The following RSPO2 variants were observed in gnomAD, a reference collection of about 807,000 sequenced individuals.
The protein encoded by RSPO2 is R-spondin-2.
RSPO2 carries 14 observed loss-of-function variants against 30.9 expected under a neutral mutation model. The observed-to-expected ratio is 0.45, with a 90% CI of 0.30 to 0.71. The LOEUF is 0.71. Ranked by LOEUF, RSPO2 falls within the 30% of genes least tolerant of loss-of-function variation. The pLI, the probability that RSPO2 is intolerant of heterozygous loss-of-function variation, is 0.08. For synonymous variants in RSPO2, 107 were observed against 96.4 expected (o/e 1.11, Z -0.64); for missense variants, 264 against 301.9 (o/e 0.87, Z 0.93).
chr8:107,909,211 C>T (rs1811745097), intron 5 of RSPO2, among the ~76,000 whole-genome samples: 1 of 151,622 alleles, frequency 6.6e-6, no homozygotes, highest in Non-Finnish European at 1.5e-5. Context: ...AAGGGGAAAC[C>T]TGTGCTCTGA....
Position 107,923,186 on chromosome 8 carries a change from A to G in RSPO2, c.617-21996T>C, listed in dbSNP as rs556245557. ...AATATTTGCAAGCATGCATCTGACA[A>G]AGGTCTAATATCCAGCATCTATAAG... On this transcript the variant is annotated intron_variant, in intron 5 of 5. Transcript: ENST00000276659. 1.2e-3 allele frequency among the ~76,000 whole-genome samples: 184 copies of G among 152,322 alleles called. 2 individuals carry two copies. The highest frequency in any genetic ancestry group is 9.5e-3 in the South Asian group (46 of 4,824).
At chr8:108,007,717 AT>A (rs1815496047) in intron 2 of RSPO2, among the ~76,000 whole-genome samples, 1 of 152,148 alleles carries the variant, frequency 6.6e-6, no homozygotes. Flanking sequence ...TGTATTTCAA[AT>A]AAAGAATGTG....
At chr8:107,976,818 T>G (rs547624506) in intron 3 of RSPO2, among the ~76,000 whole-genome samples, 1 of 152,290 alleles carries the variant, frequency 6.6e-6, no homozygotes, top group South Asian at 2.1e-4. Flanking sequence ...TTTAAACTAT[T>G]GCACAAAATA....
rs1030045462 is a variant in RSPO2, at chr8:108,048,648, T to A, written c.94+33897A>T. ...CTGGATTCACTGATTTTTTGAAGGG[T>A]TTTTTGTGTCTCTATCTCCTTCAGT... On this transcript the variant is annotated intron_variant, in intron 2 of 5. Transcript: ENST00000276659. 3.9e-5 allele frequency among the ~76,000 whole-genome samples: 6 copies of A among 152,172 alleles called. No homozygotes were observed. In the South Asian group the frequency reaches 1.2e-3, roughly 32 times the overall value.
At chr8:107,973,742 A>G (rs1360210943) in intron 3 of RSPO2, among the ~76,000 whole-genome samples, 1 of 152,200 alleles carries the variant, frequency 6.6e-6, no homozygotes, top group Non-Finnish European at 1.5e-5. Flanking sequence ...AAGCCTTGCA[A>G]GAATATAACT....
intron 2 of RSPO2, among the ~76,000 whole-genome samples, chr8:108,046,230 T>C (rs144190555): frequency 2.0e-5 from 3 of 152,298 alleles, no homozygotes; most frequent in Admixed American, 2.0e-4. Flanking sequence ...CAGAACAGTG[T>C]AATAAGATTT....
rs1811374962 is a variant in RSPO2, at chr8:107,899,568, TA to T, written c.*1506del. On this transcript the variant is annotated 3_prime_UTR_variant, in exon 6 of 6. Coordinates refer to ENST00000276659, the MANE Select transcript of RSPO2 (RefSeq NM_178565.5). The stretch of plus-strand genomic sequence containing the variant: ...TGTATATGATATTTATCCTTATTGG[TA>T]AGATGCTTTTGAATCAAAAGTTAAA... 1 of 152,544 alleles carries T rather than the reference TA, an allele frequency of 6.6e-6. No homozygotes were observed. The highest frequency in any genetic ancestry group is 2.1e-4 in the South Asian group (1 of 4,834). 9.4% of individuals were successfully genotyped at this position (152,544 alleles called of 1,614,324 possible).
intron 2 of RSPO2, among the ~76,000 whole-genome samples, chr8:108,066,302 T>C (rs1812666054): frequency 6.6e-6 from 1 of 152,186 alleles, no homozygotes; most frequent in Admixed American, 6.5e-5. Flanking sequence ...CCAATGAGCC[T>C]CAGATTACAC....
intron 3 of RSPO2, among the ~76,000 whole-genome samples, chr8:107,975,499 T>A (rs984123336): frequency 6.6e-6 from 1 of 152,224 alleles, no homozygotes; most frequent in African/African-American, 2.4e-5. Context: ...ATCTACTGAA[T>A]AACTCATTGA....
intron 2 of RSPO2, among the ~76,000 whole-genome samples, chr8:108,079,856 T>C (rs1377611584): frequency 6.6e-6 from 1 of 152,200 alleles, no homozygotes; most frequent in African/African-American, 2.4e-5. Flanking sequence ...GAAAATAATA[T>C]TTAACTGACA....
intron 2 of RSPO2, among the ~76,000 whole-genome samples, chr8:108,047,666 A>G (rs1176329023): frequency 6.6e-6 from 1 of 152,028 alleles, no homozygotes; most frequent in Admixed American, 6.6e-5. Context: ...TGACCAACAT[A>G]GTGAAACCCC....
intron 2 of RSPO2, 100 bp downstream of exon 2, chr8:108,082,445 C>A: frequency 1.2e-6 from 1 of 859,058 alleles, no homozygotes; most frequent in South Asian, 1.5e-5. Flanking sequence ...GTGGAGAGCA[C>A]AGCCCTGACC....
At chr8:107,962,702 A>C (rs1813669121) in intron 3 of RSPO2, among the ~76,000 whole-genome samples, 1 of 152,194 alleles carries the variant, frequency 6.6e-6, no homozygotes, top group Admixed American at 6.5e-5. Context: ...TTTTTTAAAA[A>C]ACAAGCAGCC....
At chr8:108,057,096 G>GAAAAAAAAAAAAAAAA (rs1812279211) in intron 2 of RSPO2, among the ~76,000 whole-genome samples, 1 of 84,612 alleles carries the variant, frequency 1.2e-5, no homozygotes, top group African/African-American at 3.9e-5. Context: ...AAAAAAAGAC[G>GAAAAAAAAAAAAAAAA]TATAAAATAT....
chr8:107,995,578 T>A lies in RSPO2; in HGVS notation c.95-6334A>T, dbSNP rs1299730491. Among the ~76,000 whole-genome samples the A allele has an allele frequency of 3.3e-5, 5 of 152,290 alleles. No homozygotes were observed. In the South Asian group the frequency reaches 8.3e-4, roughly 25 times the overall value. On this transcript the variant is annotated intron_variant, in intron 2 of 5. Coordinates refer to ENST00000276659, the MANE Select transcript of RSPO2 (RefSeq NM_178565.5). ...CTTATCACCATCCTCTGCTGAATTA[T>A]CTCTAAAACTGCTTTTATGAAGACC...
At position 108,082,583 on chromosome 8, in the gene RSPO2, C is replaced by A; in HGVS notation, c.56G>T (p.Ser19Ile). Residue 19 changes from serine to isoleucine, a missense_variant, in exon 2 of 6, where the codon AGC (serine) becomes ATC (isoleucine). By Grantham distance (142) the Ser-to-Ile change is moderately radical. Coordinates refer to ENST00000276659, the MANE Select transcript of RSPO2 (RefSeq NM_178565.5). ...ALIILNCMDY[S>I]HCQGNRWRRS... The stretch of plus-strand genomic sequence containing the variant: ...TCTCCATCGGTTGCCTTGGCAGTGG[C>A]TGTAATCCATGCAGTTCAGAATGAT... The A allele has an allele frequency of 1.9e-6, 3 of 1,614,134 alleles. No homozygotes were observed. Among genetic ancestry groups the A allele is most frequent in the Non-Finnish European group, 2.5e-6 (3 of 1,180,004 alleles).
intron 2 of RSPO2, among the ~76,000 whole-genome samples, chr8:108,070,867 A>G (rs1329899852): frequency 6.6e-6 from 1 of 152,218 alleles, no homozygotes; most frequent in East Asian, 1.9e-4. Flanking sequence ...TTTTCTAAAT[A>G]TAAACTTTAA....
chr8:107,990,371 A>G (rs1814807124), intron 2 of RSPO2, among the ~76,000 whole-genome samples: 2 of 152,202 alleles, frequency 1.3e-5, no homozygotes, highest in Non-Finnish European at 2.9e-5. Flanking sequence ...AGGATACAAA[A>G]TCAACATGCA....
At chr8:108,024,519 C>CTAT (rs1306821792) in intron 2 of RSPO2, among the ~76,000 whole-genome samples, 11 of 151,212 alleles carry the variant, frequency 7.3e-5, no homozygotes, top group Non-Finnish European at 1.5e-4. Context: ...ATATACACAT[C>CTAT]TATTAATTTG....
Sources: gnomAD v4.1 joint callset for allele counts (sites outside exome capture counted in the v4.1 genomes callset) on GRCh38, gnomAD v4.1.1 for gene constraint, MANE v1.5 for transcripts, NCBI Gene and HGNC (gene_info 2026-07-23, HGNC 2026-07-21) for gene names.